PCDHB1: variants seen among roughly 807,000 people sequenced by gnomAD.
PCDHB1 encodes the protein protocadherin beta-1.
A neutral mutation model predicts 43.5 loss-of-function variants in PCDHB1; 44 were observed. That is an observed-to-expected ratio of 1.01 (90% CI 0.79 to 1.30). The LOEUF is 1.30. Ranked by LOEUF, PCDHB1 falls within the 50% of genes most tolerant of loss-of-function variation. The pLI is 0.00. For synonymous variants in PCDHB1, 392 were observed against 400.8 expected (o/e 0.98, Z 0.26); for missense variants, 919 against 1,008.9 (o/e 0.91, Z 1.21).
chr5:141,051,468 C>A lies in PCDHB1; in HGVS notation c.-3C>A, dbSNP rs570377692. ...ATTGCAGAGAGCGCGCTTGTGAGAA[C>A]TGATGGCGGGTACGCGCAGAAAATC... On this transcript the variant is annotated 5_prime_UTR_variant, in exon 1 of 1. In the 5' UTR this introduces an upstream ATG that the reference lacks. Coordinates refer to ENST00000306549, the MANE Select transcript of PCDHB1 (RefSeq NM_013340.4). The A allele has an allele frequency of 1.6e-5, 26 of 1,613,572 alleles. No homozygotes were observed. In the South Asian group the frequency reaches 2.4e-4, roughly 15 times the overall value.
chr5:141,052,830 G>A lies in PCDHB1; in HGVS notation c.1360G>A (p.Glu454Lys). 2 of 1,614,130 alleles carry A rather than the reference G, an allele frequency of 1.2e-6. No individual in the cohort carries two copies. Among genetic ancestry groups the A allele is most frequent in the Non-Finnish European group, 1.7e-6 (2 of 1,180,026 alleles). ...TAATGACAATCCTCCAATATTTCGGGAAGATTCCTATATCTTGACTGTTCG... is the reference window on the plus strand; with the variant it reads ...TAATGACAATCCTCCAATATTTCGGAAAGATTCCTATATCTTGACTGTTCG... ...DVNDNPPIFR[E>K]DSYILTVREN... Residue 454 changes from glutamate to lysine, a missense_variant, in exon 1 of 1, where the codon GAA (glutamate) becomes AAA (lysine). Transcript: ENST00000306549.
At position 141,055,480 on chromosome 5, in the gene PCDHB1, TAA is replaced by T. The variant is rs1336761485; in HGVS notation, c.*1554_*1555del. 1.3e-5 allele frequency: 2 copies of T among 152,196 alleles called. No individual in the cohort carries two copies. Among genetic ancestry groups the T allele is most frequent in the Admixed American group, 6.5e-5 (1 of 15,280 alleles). The allele number at this position is 152,196 out of a possible 1,614,324, so 9.4% of individuals were successfully genotyped here. ...AATACATAAGGCCTGCTGTAGTTAA[TAA>T]GTGTTACAGAACACTCTAAACTATT... On this transcript the variant is annotated 3_prime_UTR_variant, in exon 1 of 1. Transcript: ENST00000306549.
Position 141,052,772 on chromosome 5 carries a change from C to T in PCDHB1, c.1302C>T (p.Ala434=), listed in dbSNP as rs781869991. ...AMDTGPPSLS[A]ETMIEVLISD... ...ATACTGGACCACCTAGCTTGTCTGC[C>T]GAGACTATGATAGAGGTGCTAATAT... is the stretch of plus-strand genomic sequence containing the variant. Residue 434 remains alanine (A), a synonymous_variant, in exon 1 of 1, where the codon GCC becomes GCT. Transcript: ENST00000306549. 1.1e-5 allele frequency: 18 copies of T among 1,613,952 alleles called. No individual in the cohort carries two copies. Among genetic ancestry groups the T allele is most frequent in the Admixed American group, 1.7e-5 (1 of 59,984 alleles).
rs376969495 is a variant in PCDHB1, at chr5:141,052,696, G to C, written c.1226G>C (p.Ser409Thr). ...TCTTACTCACTGGTCACTGACAGAA[G>C]CTTGGATCGGGAGGAGGTCTCAGGC... ...GNSYSLVTDR[S>T]LDREEVSGYN... The change falls in exon 1 of 1, where the codon AGC becomes ACC. Residue 409 changes from serine (S) to threonine (T), a missense_variant. Physicochemically the swap from Ser to Thr is moderately conservative, Grantham distance 58. Transcript: ENST00000306549. The C allele has an allele frequency of 1.2e-6, 2 of 1,614,102 alleles. No homozygotes were observed. The highest frequency in any genetic ancestry group is 2.7e-5 in the African/African-American group (2 of 74,942).
chr5:141,054,003 A>G lies in PCDHB1; in HGVS notation c.*76A>G. 1 of 1,231,786 alleles carries G rather than the reference A, an allele frequency of 8.1e-7. No homozygotes were observed. Among genetic ancestry groups the G allele is most frequent in the East Asian group, 2.3e-5 (1 of 42,710 alleles). 76.3% of individuals were successfully genotyped at this position (1,231,786 alleles called of 1,614,324 possible). A position where few individuals can be genotyped will look rare whatever the true frequency, so the allele number is the denominator to read the frequency against. ...TATGCAAAGATGTTACATCCTCATT[A>G]AAACAAAAACTGGTAGTAGATTGCA... On this transcript the variant is annotated 3_prime_UTR_variant, in exon 1 of 1. Coordinates refer to ENST00000306549, the MANE Select transcript of PCDHB1 (RefSeq NM_013340.4).
rs1426883434 is a variant in PCDHB1, at chr5:141,057,552, A to G, written c.*3625A>G. ...CAAGACTCTGTCTCAAAAAAAAAAA[A>G]AAAAAAGAAAAAAAGAAAAAAGAAA... On this transcript the variant is annotated 3_prime_UTR_variant, in exon 1 of 1. Transcript: ENST00000306549. 3 of 150,040 alleles carry G rather than the reference A, an allele frequency of 2.0e-5. No individual in the cohort carries two copies. Among genetic ancestry groups the G allele is most frequent in the Admixed American group, 6.6e-5 (1 of 15,078 alleles). The allele number at this position is 150,040 out of a possible 1,614,324, so 9.3% of individuals were successfully genotyped here. A position where few individuals can be genotyped will look rare whatever the true frequency, so the allele number is the denominator to read the frequency against.
At position 141,052,581 on chromosome 5, in the gene PCDHB1, A is replaced by G; in HGVS notation, c.1111A>G (p.Ile371Val). ...PPQTVVALFT[I>V]RDRDIRVGGK... is the part of the protein sequence containing the mutation. ...ACAGACAGTAGTAGCCCTTTTCACT[A>G]TCAGAGACCGGGACATTCGAGTGGG... The change falls in exon 1 of 1, where the codon ATC becomes GTC. Residue 371 changes from isoleucine (I) to valine (V), a missense_variant. Ile to Val is a conservative substitution (Grantham distance 29). Transcript: ENST00000306549. 2 of 1,614,178 alleles carry G rather than the reference A, an allele frequency of 1.2e-6. No individual in the cohort carries two copies. The highest frequency in any genetic ancestry group is 1.7e-6 in the Non-Finnish European group (2 of 1,180,036).
rs782033679 is a variant in PCDHB1, at chr5:141,052,855, G to A, written c.1385G>A (p.Arg462Gln). 9 of 1,614,124 alleles carry A rather than the reference G, an allele frequency of 5.6e-6. No individual in the cohort carries two copies. The highest frequency in any genetic ancestry group is 6.8e-6 in the Non-Finnish European group (8 of 1,180,016). The change falls in exon 1 of 1, where the codon CGA becomes CAA. Residue 462 changes from arginine (R) to glutamine (Q), a missense_variant. Transcript: ENST00000306549. ...FREDSYILTV[R>Q]ENNSPAVFIG... ...GAAGATTCCTATATCTTGACTGTTC[G>A]AGAAAACAACAGTCCTGCGGTTTTT...
chr5:141,053,721 C>T lies in PCDHB1; in HGVS notation c.2251C>T (p.Arg751Trp), dbSNP rs143394864. Residue 751 changes from arginine (R) to tryptophan (W), a missense_variant, in exon 1 of 1, where the codon CGG (arginine) becomes TGG (tryptophan). Coordinates refer to ENST00000306549, the MANE Select transcript of PCDHB1 (RefSeq NM_013340.4). ...VQGQGNGSLS[R>W]PCPYEMCSAT... ...AGGACAAGGCAATGGATCCTTATCT[C>T]GGCCTTGTCCATATGAAATGTGTTC... 643 of 1,613,924 alleles carry T rather than the reference C, an allele frequency of 4.0e-4. 1 individual carries two copies. Among genetic ancestry groups the T allele is most frequent in the African/African-American group, 7.5e-4 (56 of 75,036 alleles).
chr5:141,052,197 T>A lies in PCDHB1; in HGVS notation c.727T>A (p.Ser243Thr), dbSNP rs782654150. 6.2e-7 allele frequency: 1 copy of A among 1,614,130 alleles called. No homozygotes were observed. The highest frequency in any genetic ancestry group is 1.7e-5 in the Admixed American group (1 of 60,018). ...TGTCAACGACCACGTGCCCCAGTTCTCGCGACTGGTGTACAGAGCCCAGGT... is the reference window on the plus strand; with the variant it reads ...TGTCAACGACCACGTGCCCCAGTTCACGCGACTGGTGTACAGAGCCCAGGT... ...LDVNDHVPQF[S>T]RLVYRAQVSE... is the part of the protein sequence containing the mutation. Residue 243 changes from serine (S) to threonine (T), a missense_variant, in exon 1 of 1, where the codon TCG becomes ACG. Physicochemically the swap from Ser to Thr is moderately conservative, Grantham distance 58. Transcript: ENST00000306549.
chr5:141,053,679 T>C lies in PCDHB1; in HGVS notation c.2209T>C (p.Ser737Pro). Residue 737 changes from serine (S) to proline (P), a missense_variant, in exon 1 of 1, where the codon TCT becomes CCT. Ser to Pro is a moderately conservative substitution (Grantham distance 74, BLOSUM62 -1). Transcript: ENST00000306549. The part of the protein sequence containing the change: ...QEHFYDDCNF[S>P]NNLVQGQGNG... ...GCATTTCTATGATGACTGTAATTTCTCTAACAACCTGGTACAAGGACAAGG... is the reference window on the plus strand; with the variant it reads ...GCATTTCTATGATGACTGTAATTTCCCTAACAACCTGGTACAAGGACAAGG... The C allele has an allele frequency of 6.2e-7, 1 of 1,614,224 alleles. No individual in the cohort carries two copies. Among genetic ancestry groups the C allele is most frequent in the Non-Finnish European group, 8.5e-7 (1 of 1,180,018 alleles).
chr5:141,052,636 AC>A lies in PCDHB1; in HGVS notation c.1168del (p.Leu390PhefsTer4). The stretch of plus-strand genomic sequence containing the variant: ...AAAGTCACCTGCTTCCTCAGAGAAG[AC>A]CTTCCCTTTGTAATCAAACCTACAT... Reference protein sequence around the residue: ...GGKVTCFLREDLPFVIKPTFG... With the variant: ...GGKVTCFLREXLPFVIKPTFG... On this transcript the variant is annotated frameshift_variant, in exon 1 of 1. Transcript: ENST00000306549. LOFTEE classifies it high-confidence loss of function. 1 of 1,614,114 alleles carries A rather than the reference AC, an allele frequency of 6.2e-7. No homozygotes were observed. Among genetic ancestry groups the A allele is most frequent in the Non-Finnish European group, 8.5e-7 (1 of 1,180,012 alleles).
Position 141,051,741 on chromosome 5 carries a change from G to A in PCDHB1, c.271G>A (p.Asp91Asn). ...TGDLFVKEKL[D>N]RESLCGKADP... ...AGATTTGTTTGTGAAGGAGAAACTG[G>A]ATCGGGAGTCACTTTGTGGCAAAGC... is the stretch of plus-strand genomic sequence containing the variant. The change falls in exon 1 of 1, where the codon GAT becomes AAT. Residue 91 changes from aspartate (D) to asparagine (N), a missense_variant. Physicochemically the swap from Asp to Asn is conservative, Grantham distance 23 (BLOSUM62 1). Coordinates refer to ENST00000306549, the MANE Select transcript of PCDHB1 (RefSeq NM_013340.4). 6.2e-7 allele frequency: 1 copy of A among 1,614,250 alleles called. No homozygotes were observed. Among genetic ancestry groups the A allele is most frequent in the African/African-American group, 1.3e-5 (1 of 75,066 alleles).
In PCDHB1 at chr5:141,053,218, C is replaced by T. The variant is rs782703917; in HGVS notation, c.1748C>T (p.Ala583Val). 5.6e-6 allele frequency: 9 copies of T among 1,614,098 alleles called. No homozygotes were observed. The highest frequency in any genetic ancestry group is 1.7e-5 in the Admixed American group (1 of 60,012). ...GACCTGGTGCCCAGGTCTGCAGAGG[C>T]AGGCTACCTAGTGACCAAAGTGGTG... The part of the protein sequence containing the change: ...CNDLVPRSAE[A>V]GYLVTKVVAV... Residue 583 changes from alanine (A) to valine (V), a missense_variant, in exon 1 of 1, where the codon GCA becomes GTA. Coordinates refer to ENST00000306549, the MANE Select transcript of PCDHB1 (RefSeq NM_013340.4).
At position 141,054,728 on chromosome 5, in the gene PCDHB1, TTGTTGCCCAGACTGGAG is replaced by T. The variant is rs1751091731; in HGVS notation, c.*804_*820del. 1 of 149,512 alleles carries T rather than the reference TTGTTGCCCAGACTGGAG, an allele frequency of 6.7e-6. No homozygotes were observed. Among genetic ancestry groups the T allele is most frequent in the African/African-American group, 2.5e-5 (1 of 40,628 alleles). The allele number at this position is 149,512 out of a possible 1,614,324, so 9.3% of individuals were successfully genotyped here. ...TTTTTTTTGAGACGGAGTTTTTCTC[TTGTTGCCCAGACTGGAG>T]TGCAATGGCACGATCTCGGCTCACT... On this transcript the variant is annotated 3_prime_UTR_variant, in exon 1 of 1. Transcript: ENST00000306549.
Position 141,052,174 on chromosome 5 carries a change from T to C in PCDHB1, c.704T>C (p.Val235Ala). 1 of 1,614,036 alleles carries C rather than the reference T, an allele frequency of 6.2e-7. No homozygotes were observed. Among genetic ancestry groups the C allele is most frequent in the Non-Finnish European group, 8.5e-7 (1 of 1,179,954 alleles). ...TAHIHVVVLD[V>A]NDHVPQFSRL... ...CACATCCACGTGGTGGTTCTGGATG[T>C]CAACGACCACGTGCCCCAGTTCTCG... The change falls in exon 1 of 1, where the codon GTC becomes GCC. Residue 235 changes from valine (V) to alanine (A), a missense_variant. Transcript: ENST00000306549.
chr5:141,052,758 C>A lies in PCDHB1; in HGVS notation c.1288C>A (p.Pro430Thr). 1 of 1,614,138 alleles carries A rather than the reference C, an allele frequency of 6.2e-7. No individual in the cohort carries two copies. The highest frequency in any genetic ancestry group is 8.5e-7 in the Non-Finnish European group (1 of 1,180,032). The change falls in exon 1 of 1, where the codon CCT becomes ACT. Residue 430 changes from proline to threonine, a missense_variant. By Grantham distance (38) the Pro-to-Thr change is conservative. Transcript: ENST00000306549. The stretch of plus-strand genomic sequence containing the variant: ...CATTGTTGCCATGGATACTGGACCA[C>A]CTAGCTTGTCTGCCGAGACTATGAT... ...ITIVAMDTGP[P>T]SLSAETMIEV...
At position 141,058,236 on chromosome 5, in the gene PCDHB1, T is replaced by C. The variant is rs1165351815; in HGVS notation, c.*4309T>C. ...CCAGGATCCTGCAAAGCATTTGTTA[T>C]GGCTCCTTAGTCTCTACCACCTGTG... On this transcript the variant is annotated 3_prime_UTR_variant, in exon 1 of 1. Transcript: ENST00000306549. The C allele has an allele frequency of 6.6e-6, 1 of 152,224 alleles. No individual in the cohort carries two copies. The highest frequency in any genetic ancestry group is 1.5e-5 in the Non-Finnish European group (1 of 68,032). 9.4% of individuals were successfully genotyped at this position (152,224 alleles called of 1,614,324 possible). A position where few individuals can be genotyped will look rare whatever the true frequency, so the allele number is the denominator to read the frequency against.
Position 141,053,000 on chromosome 5 carries a change from C to A in PCDHB1, c.1530C>A (p.Gly510=). The stretch of plus-strand genomic sequence containing the variant: ...TTGCTTACATATCCATAAATTCAGG[C>A]AATGGGAAGCTCTACGCGCTGAGAA... The part of the protein sequence containing the change: ...SVFAYISINS[G]NGKLYALRTM... Residue 510 remains glycine (G), a synonymous_variant, in exon 1 of 1, where the codon GGC becomes GGA. Coordinates refer to ENST00000306549, the MANE Select transcript of PCDHB1 (RefSeq NM_013340.4). The A allele has an allele frequency of 6.2e-7, 1 of 1,614,148 alleles. No individual in the cohort carries two copies. Among genetic ancestry groups the A allele is most frequent in the Non-Finnish European group, 8.5e-7 (1 of 1,180,038 alleles).
Sources: gnomAD v4.1 joint callset for allele counts on GRCh38, gnomAD v4.1.1 for gene constraint, MANE v1.5 for transcripts, NCBI Gene and HGNC (gene_info 2026-07-23, HGNC 2026-07-21) for gene names.